GOLGA8A: variants seen among roughly 807,000 people sequenced by gnomAD.
The protein encoded by GOLGA8A is golgin A8 family member A, also known as golgin subfamily A member 8A.
GOLGA8A carries 3 observed loss-of-function variants against 22.1 expected under a neutral mutation model. That is an observed-to-expected ratio of 0.14 (90% CI 0.06 to 0.35). GOLGA8A has a LOEUF of 0.35. Among genes scored for constraint, GOLGA8A ranks in the 10% least tolerant of loss-of-function variants. The pLI is 1.00. For missense variants in GOLGA8A, 16 were observed against 233.2 expected (o/e 0.07, Z 6.07); for synonymous variants, 7 against 91.7 (o/e 0.08, Z 5.28).
At chr15:34,386,144 G>A (rs1332994629) in intron 12 of GOLGA8A, among the ~76,000 whole-genome samples, 3 of 148,004 alleles carry the variant, frequency 2.0e-5, no homozygotes, top group African/African-American at 5.3e-5. Flanking sequence ...GCCGATATAG[G>A]ATGGAAAAGA....
At chr15:34,428,031 G>A (rs202085179) in intron 2 of GOLGA8A, among the ~76,000 whole-genome samples, 2 of 148,052 alleles carry the variant, frequency 1.4e-5, no homozygotes, top group African/African-American at 5.0e-5. Context: ...AGGTCTAATC[G>A]CAGAGGTGCT....
intron 2 of GOLGA8A, among the ~76,000 whole-genome samples, chr15:34,426,918 T>C (rs1044910417): frequency 6.9e-6 from 1 of 144,456 alleles, no homozygotes. Flanking sequence ...CAGATCTATT[T>C]AATGATTAGC....
At chr15:34,420,453 C>A (rs78074100) in intron 2 of GOLGA8A, among the ~76,000 whole-genome samples, 2 of 147,662 alleles carry the variant, frequency 1.4e-5, no homozygotes, top group African/African-American at 5.0e-5. Flanking sequence ...CAGCTCAGGG[C>A]CAGCGGCGCA....
intron 2 of GOLGA8A, among the ~76,000 whole-genome samples, chr15:34,430,558 G>C (rs141077357): frequency 6.7e-6 from 1 of 148,958 alleles, no homozygotes; most frequent in African/African-American, 2.5e-5. Context: ...GGCCAAAATC[G>C]GCCCACTCAT....
intron 2 of GOLGA8A, chr15:34,419,999 G>C (rs1345970255): frequency 1.3e-5 from 2 of 148,564 alleles, no homozygotes; most frequent in Non-Finnish European, 3.0e-5. Context: ...CAGATTGCAA[G>C]ATGAAGAAAG....
intron 2 of GOLGA8A, among the ~76,000 whole-genome samples, chr15:34,425,235 T>C (rs1366716144): frequency 6.8e-6 from 1 of 147,930 alleles, no homozygotes; most frequent in Non-Finnish European, 1.5e-5. Flanking sequence ...ACTTACACGG[T>C]AGATAGTGGC....
At position 34,400,519 on chromosome 15, in the gene GOLGA8A, C is replaced by T. The variant is rs1263963355; in HGVS notation, c.-527+193G>A. Among the ~76,000 whole-genome samples the T allele has an allele frequency of 9.9e-5, 15 of 151,078 alleles. 1 individual carries two copies. The highest frequency in any genetic ancestry group is 1.7e-4 in the African/African-American group (7 of 41,262). On this transcript the variant is annotated intron_variant, in intron 6 of 24. Transcript: ENST00000359187. ...CTAGGATTATAGGCATGAGCCACCA[C>T]GCCCAGCCAAAGGTTCTATTTCTTA...
chr15:34,412,895 T>C (rs1313823818), intron 2 of GOLGA8A, among the ~76,000 whole-genome samples: 2 of 117,628 alleles, frequency 1.7e-5, no homozygotes, highest in African/African-American at 5.5e-5. Context: ...CAGGCTACAA[T>C]ATGGATAAAC....
intron 1 of GOLGA8A, among the ~76,000 whole-genome samples, 189 bp downstream of exon 1, chr15:34,437,209 C>T (rs1308260475): frequency 6.8e-6 from 1 of 146,886 alleles, no homozygotes; most frequent in African/African-American, 2.5e-5. Context: ...GGCGTAAGGC[C>T]GCCGGGCTGC....
chr15:34,431,289 AATTATATATATATATATATAT>A (rs1893218216), intron 2 of GOLGA8A, among the ~76,000 whole-genome samples: 2 of 77,668 alleles, frequency 2.6e-5, no homozygotes, highest in African/African-American at 4.2e-5. Flanking sequence ...AATGAAAAAA[AATTATATATATATATATATAT>A]ACATATATAT....
In GOLGA8A at chr15:34,379,356, T is replaced by C. The variant is rs1248552694; in HGVS notation, c.*2055A>G. On this transcript the variant is annotated 3_prime_UTR_variant, in exon 25 of 25. Transcript: ENST00000359187. The stretch of plus-strand genomic sequence containing the variant: ...AGATAGCAGTTACATTTTTTAATAT[T>C]TATATTATTTTAAAATGACTCTTTA... 3 of 152,556 alleles carry C rather than the reference T, an allele frequency of 2.0e-5. No individual in the cohort carries two copies. Among genetic ancestry groups the C allele is most frequent in the African/African-American group, 7.2e-5 (3 of 41,452 alleles). The allele number at this position is 152,556 out of a possible 1,614,324, so 9.5% of individuals were successfully genotyped here.
At chr15:34,431,306 TATATAC>T (rs1177957929) in intron 2 of GOLGA8A, among the ~76,000 whole-genome samples, 1,118 of 12,536 alleles carry the variant, frequency 0.089, 42 homozygotes, top group East Asian at 0.36. Flanking sequence ...TATATATATA[TATATAC>T]ATATATATAT....
chr15:34,429,215 C>A (rs1373919624), intron 2 of GOLGA8A, among the ~76,000 whole-genome samples: 1 of 145,036 alleles, frequency 6.9e-6, no homozygotes, highest in Admixed American at 6.9e-5. Flanking sequence ...AAGCCAGCTG[C>A]AGAAATCACT....
chr15:34,436,817 C>T (rs1483421361), intron 1 of GOLGA8A, among the ~76,000 whole-genome samples: 2 of 149,910 alleles, frequency 1.3e-5, no homozygotes, highest in Admixed American at 1.3e-4. Context: ...ACCGTGCCCC[C>T]AACCCGGCGC....
Position 34,380,564 on chromosome 15 carries a change from G to A in GOLGA8A, c.*847C>T, listed in dbSNP as rs1449868868. On this transcript the variant is annotated 3_prime_UTR_variant, in exon 25 of 25. Transcript: ENST00000359187. Reference sequence around the variant, plus strand: ...GTTTTTCACACCCACAGCCAATGATGGCAGCCTTTCATTCCTCGGAAATAA... The same window carrying A: ...GTTTTTCACACCCACAGCCAATGATAGCAGCCTTTCATTCCTCGGAAATAA... The A allele has an allele frequency of 1.3e-5, 2 of 152,220 alleles. No homozygotes were observed. Among genetic ancestry groups the A allele is most frequent in the Non-Finnish European group, 2.9e-5 (2 of 68,070 alleles). 9.4% of individuals were successfully genotyped at this position (152,220 alleles called of 1,614,324 possible).
intron 1 of GOLGA8A, among the ~76,000 whole-genome samples, chr15:34,436,401 C>A (rs74203734): frequency 0.095 from 14,155 of 149,740 alleles, 1,809 homozygotes; most frequent in South Asian, 0.25. Context: ...GGGGCGCTTC[C>A]TCCACCGCAT....
rs1366493828 is a variant in GOLGA8A, at chr15:34,380,317, G to A, written c.*1094C>T. ...AGAGAGGAATGCCAGGTGTCACACA[G>A]CTTTCCTTCACTCTAATTCATTCTT... On this transcript the variant is annotated 3_prime_UTR_variant, in exon 25 of 25. Coordinates refer to ENST00000359187, the MANE Select transcript of GOLGA8A (RefSeq NM_181077.5). The A allele has an allele frequency of 6.6e-6, 1 of 152,172 alleles. No individual in the cohort carries two copies. The highest frequency in any genetic ancestry group is 1.5e-5 in the Non-Finnish European group (1 of 68,032). The allele number at this position is 152,172 out of a possible 1,614,324, so 9.4% of individuals were successfully genotyped here. A position where few individuals can be genotyped will look rare whatever the true frequency, so the allele number is the denominator to read the frequency against.
chr15:34,427,447 T>A (rs117312785), intron 2 of GOLGA8A, among the ~76,000 whole-genome samples: 11,912 of 147,604 alleles, frequency 0.081, 1,397 homozygotes, highest in East Asian at 0.16. Flanking sequence ...ATTGTGGGGA[T>A]TTGATGTAGA....
chr15:34,425,145 T>C (rs1892930969), intron 2 of GOLGA8A, among the ~76,000 whole-genome samples: 1 of 143,844 alleles, frequency 7.0e-6, no homozygotes, highest in South Asian at 2.5e-4. Context: ...AGGAGAAAGG[T>C]TGGCGGAGAA....
Sources: gnomAD v4.1 joint callset for allele counts (sites outside exome capture counted in the v4.1 genomes callset) on GRCh38, gnomAD v4.1.1 for gene constraint, MANE v1.5 for transcripts, NCBI Gene and HGNC (gene_info 2026-07-23, HGNC 2026-07-21) for gene names.